The following ZNF680 variants were observed in gnomAD, a reference collection of about 807,000 sequenced individuals.
ZNF680 encodes hypothetical protein FLJ90430.
In ZNF680, 6 loss-of-function variants were observed where a neutral mutation model predicts 12.1. That is an observed-to-expected ratio of 0.49 (90% CI 0.27 to 0.98). The LOEUF is 0.98. Among genes scored for constraint, ZNF680 ranks in the 50% least tolerant of loss-of-function variants. The pLI is 0.12. For missense variants in ZNF680, 561 were observed against 616.3 expected, an observed-to-expected ratio of 0.91 and a Z score of 0.95; for synonymous variants, 170 against 199.3, an observed-to-expected ratio of 0.85 and a Z score of 1.24.
At chr7:64,499,856 G>A in the ZNF680 span, among the ~76,000 whole-genome samples, 4 of 152,218 alleles carry the variant, frequency 2.6e-5, no homozygotes, top group East Asian at 7.7e-4. Context: ...CAGTAAAACA[G>A]TGGGCCTTAA....
In ZNF680 at chr7:64,554,157, C is replaced by T. The variant is rs1353966051; in HGVS notation, c.30+8768G>A. ...GAAGTGAGGAGCGTCTCTGCCCGGC[C>T]GCCCATCGTCTGGGATGTGGGGAGC... is the stretch of plus-strand genomic sequence containing the variant. On this transcript the variant is annotated intron_variant, in intron 1 of 3. Coordinates refer to ENST00000309683, the MANE Select transcript of ZNF680 (RefSeq NM_178558.5). Among the ~76,000 whole-genome samples the T allele has an allele frequency of 8.6e-5, 13 of 152,024 alleles. 1 individual carries two copies. Among genetic ancestry groups the T allele is most frequent in the Admixed American group, 2.6e-4 (4 of 15,268 alleles).
chr7:64,557,277 C>T (rs1307597910), intron 1 of ZNF680, among the ~76,000 whole-genome samples: 1 of 148,498 alleles, frequency 6.7e-6, no homozygotes. Context: ...TACCATAAGG[C>T]CAGGCGCAGT....
the ZNF680 span, among the ~76,000 whole-genome samples, chr7:64,514,870 C>A: frequency 6.6e-6 from 1 of 152,142 alleles, no homozygotes; most frequent in African/African-American, 2.4e-5. Flanking sequence ...ATGGAGAAAC[C>A]CAGTTTCTAC....
chr7:64,550,204 A>G (rs887166909), intron 1 of ZNF680, among the ~76,000 whole-genome samples: 49 of 152,344 alleles, frequency 3.2e-4, no homozygotes, highest in Non-Finnish European at 7.4e-5. Flanking sequence ...TACAAAAATA[A>G]AATCGATTAC....
Position 64,521,521 on chromosome 7 carries a change from A to G in ZNF680, c.1233T>C (p.Cys411=). The G allele has an allele frequency of 1.2e-6, 2 of 1,613,430 alleles. No homozygotes were observed. Among genetic ancestry groups the G allele is most frequent in the Non-Finnish European group, 1.7e-6 (2 of 1,179,772 alleles). Residue 411 remains cysteine, a synonymous_variant, in exon 4 of 4, where the codon TGT becomes TGC. Coordinates refer to ENST00000309683, the MANE Select transcript of ZNF680 (RefSeq NM_178558.5). ...TGEKPYKCEE[C]GKAFNGCSSL... is the part of the protein sequence containing the mutation. ...TGGAGCACCCATTAAAAGCTTTGCC[A>G]CATTCTTCACATTTGTAGGGTTTCT...
intron 3 of ZNF680, among the ~76,000 whole-genome samples, chr7:64,542,467 A>C (rs1786556782): frequency 6.6e-6 from 1 of 152,200 alleles, no homozygotes; most frequent in African/African-American, 2.4e-5. Context: ...ATATATAAAA[A>C]ATTATAAACA....
chr7:64,517,278 T>C (rs138667442), downstream of ZNF680, among the ~76,000 whole-genome samples: 3 of 151,878 alleles, frequency 2.0e-5, no homozygotes, highest in Non-Finnish European at 4.4e-5. Context: ...ACAACTGACA[T>C]CACAGAAATA....
the ZNF680 span, chr7:64,500,679 CGAA>C: frequency 4.4e-6 from 1 of 226,100 alleles, no homozygotes; most frequent in Admixed American, 5.3e-5. Flanking sequence ...TGTGAAGAGA[CGAA>C]GACTGAGCGG....
chr7:64,550,154 G>A (rs1227831573), intron 1 of ZNF680, among the ~76,000 whole-genome samples: 1 of 152,214 alleles, frequency 6.6e-6, no homozygotes, highest in African/African-American at 2.4e-5. Flanking sequence ...GAGGGACAGA[G>A]AGTGGACTGA....
At chr7:64,501,293 G>T in the ZNF680 span, 2 of 1,079,532 alleles carry the variant, frequency 1.9e-6, no homozygotes, top group South Asian at 2.5e-5. Context: ...CCCTCGAAAC[G>T]TCAGCATGTT....
Position 64,544,317 on chromosome 7 carries a change from A to G in ZNF680, c.146T>C (p.Leu49Pro). The G allele has an allele frequency of 6.2e-7, 1 of 1,602,544 alleles. No homozygotes were observed. The highest frequency in any genetic ancestry group is 8.5e-7 in the Non-Finnish European group (1 of 1,172,886). Residue 49 changes from leucine (L) to proline (P), a missense_variant, in exon 2 of 4, where the codon CTG (leucine) becomes CCG (proline). Transcript: ENST00000309683. ...GAAGTTATCCTCACCCAGGAAGACC[A>G]GGTTTCTGTAGTTCTCAAACATCAC... ...RKVMFENYRN[L>P]VFLGIAVSKP...
At position 64,522,277 on chromosome 7, in the gene ZNF680, G is replaced by A. The variant is rs571429645; in HGVS notation, c.477C>T (p.Tyr159=). The part of the protein sequence containing the change: ...TQSKIFQCDK[Y]VKVFHKFSNS... ...TTGAAAATTTATGAAAGACTTTCAC[G>A]TATTTATCACATTGAAATATTTTGC... Residue 159 remains tyrosine (Y), a synonymous_variant, in exon 4 of 4, where the codon TAC becomes TAT. Transcript: ENST00000309683. 8 of 1,612,904 alleles carry A rather than the reference G, an allele frequency of 5.0e-6. No homozygotes were observed. The highest frequency in any genetic ancestry group is 1.7e-4 in the Middle Eastern group (1 of 6,040).
intron 1 of ZNF680, among the ~76,000 whole-genome samples, chr7:64,560,270 C>T (rs1042231166): frequency 2.0e-5 from 3 of 151,952 alleles, no homozygotes; most frequent in African/African-American, 7.3e-5. Context: ...TGTACCACCA[C>T]GCCCGGCTAA....
intron 1 of ZNF680, chr7:64,551,468 A>C (rs1787072645): frequency 6.4e-6 from 1 of 155,516 alleles, no homozygotes; most frequent in Non-Finnish European, 1.4e-5. Context: ...CATGAACCCC[A>C]ATTGCCACAG....
intron 3 of ZNF680, among the ~76,000 whole-genome samples, chr7:64,542,600 C>G (rs1460886655): frequency 6.6e-6 from 1 of 152,010 alleles, no homozygotes; most frequent in Non-Finnish European, 1.5e-5. Flanking sequence ...AGAAAACAAT[C>G]TTATTTACAG....
downstream of ZNF680, among the ~76,000 whole-genome samples, chr7:64,518,073 T>C (rs1791390700): frequency 6.6e-6 from 1 of 151,896 alleles, no homozygotes; most frequent in East Asian, 1.9e-4. Context: ...AGCACTGAAG[T>C]CCTAGCCAGA....
At chr7:64,524,631 A>C (rs954564855) in intron 3 of ZNF680, 1 of 152,206 alleles carries the variant, frequency 6.6e-6, no homozygotes, top group Admixed American at 6.5e-5. Context: ...TTTTAAAAAG[A>C]CAAAATATTG....
At chr7:64,561,667 GCTGACGCCT>G (rs1787741580) in intron 1 of ZNF680, among the ~76,000 whole-genome samples, 1 of 152,164 alleles carries the variant, frequency 6.6e-6, no homozygotes. Context: ...GGGCGCGGTG[GCTGACGCCT>G]GTAATCCCAG....
chr7:64,510,452 T>TA, the ZNF680 span, among the ~76,000 whole-genome samples: 241 of 151,760 alleles, frequency 1.6e-3, no homozygotes, highest in African/African-American at 4.9e-3. Context: ...CCCTTAATAT[T>TA]AAAAAAAAAT....
Sources: allele counts gnomAD v4.1 joint callset (sites outside exome capture counted in the v4.1 genomes callset), GRCh38; gene constraint gnomAD v4.1.1; transcripts MANE v1.5; gene names NCBI Gene and HGNC (gene_info 2026-07-23, HGNC 2026-07-21).